The following TM9SF4 variants were observed in gnomAD, a reference collection of about 807,000 sequenced individuals.
TM9SF4 encodes the protein transmembrane 9 superfamily member 4.
TM9SF4 carries 26 observed loss-of-function variants against 90.4 expected under a neutral mutation model. That is an observed-to-expected ratio of 0.29 (90% CI 0.21 to 0.40). TM9SF4 has a LOEUF of 0.40. TM9SF4 is among the 10% of genes least tolerant of loss of function. The probability of loss-of-function intolerance (pLI) is 1.00; values close to 1 mark genes in which losing one functional copy is unlikely to be tolerated. For missense variants in TM9SF4, 549 were observed against 834.8 expected (o/e 0.66, Z 4.22); for synonymous variants, 293 against 315.4 (o/e 0.93, Z 0.75).
intron 15 of TM9SF4, chr20:32,159,714 C>T (rs2046985179): frequency 4.3e-6 from 2 of 464,412 alleles, no homozygotes. Context: ...GGTGGCTGCT[C>T]TATAATTTTG....
chr20:32,144,636 A>G (rs902187736), intron 6 of TM9SF4, among the ~76,000 whole-genome samples: 3 of 152,152 alleles, frequency 2.0e-5, no homozygotes, highest in Admixed American at 6.5e-5. Context: ...TTGGCCAGGC[A>G]TGGTGGCTCA....
rs762415505 is a variant in TM9SF4, at chr20:32,145,371, G to C, written c.831G>C (p.Gln277His). ...WDTYLTMSDV[Q>H]IHWFSIINSV... The stretch of plus-strand genomic sequence containing the variant: ...CTTACCTGACCATGAGTGACGTCCA[G>C]ATCCACTGGTTTTCTATCATTAACT... The change falls in exon 8 of 18, where the codon CAG becomes CAC. Residue 277 changes from glutamine to histidine, a missense_variant. Physicochemically the swap from Gln to His is conservative, Grantham distance 24. This residue lies in a region of TM9SF4 where 495 missense variants were observed against 711.7 expected (regional missense o/e 0.70). Transcript: ENST00000398022. 1 of 1,614,080 alleles carries C rather than the reference G, an allele frequency of 6.2e-7. No homozygotes were observed. The highest frequency in any genetic ancestry group is 8.5e-7 in the Non-Finnish European group (1 of 1,180,056).
intron 1 of TM9SF4, among the ~76,000 whole-genome samples, chr20:32,112,897 T>C (rs1223266318): frequency 6.6e-6 from 1 of 151,996 alleles, no homozygotes; most frequent in African/African-American, 2.4e-5. Context: ...TCTGGTGCAA[T>C]AGTGAAAAGG....
intron 6 of TM9SF4, 110 bp downstream of exon 6, chr20:32,143,215 G>C (rs1470712141): frequency 5.8e-5 from 80 of 1,377,660 alleles, no homozygotes; most frequent in Non-Finnish European, 6.6e-5. Context: ...CTCGGGTGTG[G>C]CGTGTGGGCC....
chr20:32,135,127 G>T (rs2046576762), intron 2 of TM9SF4, among the ~76,000 whole-genome samples: 1 of 152,076 alleles, frequency 6.6e-6, no homozygotes, highest in African/African-American at 2.4e-5. Context: ...ATTTCGATGG[G>T]TTCTATTTTG....
intron 1 of TM9SF4, among the ~76,000 whole-genome samples, chr20:32,123,845 C>CATATATATATATATATATAT (rs778502518): frequency 1.0e-4 from 11 of 108,708 alleles, no homozygotes; most frequent in African/African-American, 3.7e-4. Flanking sequence ...TTCTCTCTCT[C>CATATATATATATATATATAT]ATATATATAT....
intron 1 of TM9SF4, among the ~76,000 whole-genome samples, chr20:32,129,989 C>G (rs573509997): frequency 3.0e-4 from 45 of 152,310 alleles, no homozygotes; most frequent in Middle Eastern, 6.8e-3. Context: ...AGCAGAATTA[C>G]AGAGTCAAAG....
chr20:32,145,567 G>C, intron 8 of TM9SF4, 144 bp downstream of exon 8: 1 of 673,484 alleles, frequency 1.5e-6, no homozygotes, highest in Non-Finnish European at 2.6e-6. Context: ...CTAAGCATCA[G>C]GTGTACATAG....
chr20:32,163,278 T>A (rs202165853), intron 17 of TM9SF4, among the ~76,000 whole-genome samples: 11 of 69,358 alleles, frequency 1.6e-4, no homozygotes, highest in African/African-American at 6.6e-4. Context: ...AATATATATA[T>A]ATATATATAT....
At chr20:32,151,058 A>C (rs1354911082) in intron 12 of TM9SF4, among the ~76,000 whole-genome samples, 183 bp downstream of exon 12, 1 of 152,134 alleles carries the variant, frequency 6.6e-6, no homozygotes, top group African/African-American at 2.4e-5. Flanking sequence ...ACAGGCTCGC[A>C]GCAGAACCTC....
intron 1 of TM9SF4, among the ~76,000 whole-genome samples, chr20:32,131,957 T>C (rs940551689): frequency 4.6e-5 from 7 of 152,134 alleles, no homozygotes; most frequent in African/African-American, 1.7e-4. Context: ...AATAAACATA[T>C]ACATATAGTA....
intron 5 of TM9SF4, 22 bp downstream of exon 5, chr20:32,141,917 C>T (rs578182827): frequency 1.2e-6 from 2 of 1,613,640 alleles, no homozygotes; most frequent in Admixed American, 1.7e-5. Flanking sequence ...TTGGCGTGCT[C>T]ACAGGACCGG....
intron 1 of TM9SF4, among the ~76,000 whole-genome samples, chr20:32,124,474 G>A (rs1179726589): frequency 1.3e-5 from 2 of 152,218 alleles, no homozygotes; most frequent in Admixed American, 6.5e-5. Context: ...GGCTGTGCCA[G>A]TCTGGGTGGA....
chr20:32,147,332 T>C (rs903475262), intron 9 of TM9SF4, among the ~76,000 whole-genome samples: 4 of 152,334 alleles, frequency 2.6e-5, no homozygotes, highest in Non-Finnish European at 5.9e-5. Context: ...AAAAAAGTTT[T>C]ATTCACCCAA....
chr20:32,164,409 G>A (rs1406195695), intron 17 of TM9SF4, among the ~76,000 whole-genome samples: 1 of 152,200 alleles, frequency 6.6e-6, no homozygotes, highest in Non-Finnish European at 1.5e-5. Context: ...CTACTTGGGA[G>A]GCTGAGGCAG....
At chr20:32,142,947 T>C in intron 5 of TM9SF4, 35 bp from the exon 6 acceptor site, 4 of 1,609,166 alleles carry the variant, frequency 2.5e-6, no homozygotes, top group Non-Finnish European at 3.4e-6. Flanking sequence ...CCCTAAGTGA[T>C]GTTCTGTTGT....
intron 1 of TM9SF4, among the ~76,000 whole-genome samples, chr20:32,124,881 C>T (rs1033142074): frequency 6.6e-6 from 1 of 152,196 alleles, no homozygotes; most frequent in Non-Finnish European, 1.5e-5. Context: ...GCCACCGCAC[C>T]CAGCCCTACA....
chr20:32,146,956 T>C, intron 9 of TM9SF4, 101 bp downstream of exon 9: 1 of 1,007,442 alleles, frequency 9.9e-7, no homozygotes, highest in Non-Finnish European at 1.5e-6. Context: ...AGAGGAAACC[T>C]CAAAATACTA....
At chr20:32,109,957 G>A (rs2046116027) in intron 1 of TM9SF4, 11 of 1,413,816 alleles carry the variant, frequency 7.8e-6, no homozygotes, top group Non-Finnish European at 9.2e-6. Context: ...AAGGCCCCGA[G>A]TTTTGGGGGA....
Sources: allele counts gnomAD v4.1 joint callset (sites outside exome capture counted in the v4.1 genomes callset), GRCh38; gene constraint gnomAD v4.1.1; regional missense constraint gnomAD v4.1.1; transcripts MANE v1.5; gene names NCBI Gene and HGNC (gene_info 2026-07-23, HGNC 2026-07-21).